The following FBN2 variants were observed in gnomAD, a reference collection of about 807,000 sequenced individuals.
The protein encoded by FBN2 is fibrillin 2, also known as fibrillin-2.
A neutral mutation model predicts 355.6 loss-of-function variants in FBN2; 105 were observed. The observed-to-expected ratio is 0.30, with a 90% CI of 0.25 to 0.35. The LOEUF (loss-of-function observed/expected upper bound fraction) is 0.35. Among genes scored for constraint, FBN2 ranks in the 10% least tolerant of loss-of-function variants. The probability of loss-of-function intolerance (pLI) is 1.00; values close to 1 mark genes in which losing one functional copy is unlikely to be tolerated. For synonymous variants in FBN2, 1,350 were observed against 1,301.2 expected (o/e 1.04, Z -0.81); for missense variants, 3,280 against 3,758.7 (o/e 0.87, Z 3.33).
At chr5:128,335,338 T>C (rs552553509) in intron 29 of FBN2, 43 bp from the exon 30 acceptor site, 1 of 1,613,704 alleles carries the variant, frequency 6.2e-7, no homozygotes, top group South Asian at 1.1e-5. Flanking sequence ...AAAAATGTCG[T>C]TCATCAATCT....
At chr5:128,397,339 T>G (rs1232388616) in intron 8 of FBN2, among the ~76,000 whole-genome samples, 1 of 152,166 alleles carries the variant, frequency 6.6e-6, no homozygotes, top group African/African-American at 2.4e-5. Context: ...TTAACAATAA[T>G]CACTAACGTT....
intron 5 of FBN2, among the ~76,000 whole-genome samples, chr5:128,467,289 A>G (rs1754738995): frequency 6.6e-6 from 1 of 152,168 alleles, no homozygotes; most frequent in Non-Finnish European, 1.5e-5. Context: ...GCAGGAATAG[A>G]GTTGACCATT....
chr5:128,286,774 A>G lies in FBN2; in HGVS notation c.6956T>C (p.Phe2319Ser). ...CATTCCAGGAGGGCAGATGCACATG[A>G]AGGTGCCGATTAGATTCTTACACAT... Reference protein sequence around the residue: ...GMMCKNLIGTFMCICPPGMAR... With the variant: ...GMMCKNLIGTSMCICPPGMAR... Residue 2319 changes from phenylalanine to serine, a missense_variant, in exon 55 of 65, where the codon TTC (phenylalanine) becomes TCC (serine). This residue lies in a region of FBN2 where 2,284 missense variants were observed against 2,749.5 expected (regional missense o/e 0.83). Coordinates refer to ENST00000262464, the MANE Select transcript of FBN2 (RefSeq NM_001999.4). 1 of 1,614,048 alleles carries G rather than the reference A, an allele frequency of 6.2e-7. No homozygotes were observed.
intron 15 of FBN2, 46 bp from the exon 16 acceptor site, chr5:128,369,380 A>G: frequency 6.2e-7 from 1 of 1,606,006 alleles, no homozygotes; most frequent in Non-Finnish European, 8.5e-7. Context: ...GATAGAGACA[A>G]AGAGATTTCG....
intron 4 of FBN2, among the ~76,000 whole-genome samples, chr5:128,521,490 T>G (rs1218326820): frequency 6.6e-6 from 1 of 152,116 alleles, no homozygotes; most frequent in Non-Finnish European, 1.5e-5. Context: ...GTAACAAACC[T>G]GCATGTCCTG....
intron 37 of FBN2, among the ~76,000 whole-genome samples, chr5:128,312,370 A>T (rs930978970): frequency 2.0e-5 from 3 of 152,252 alleles, no homozygotes; most frequent in African/African-American, 4.8e-5. Context: ...CTGTGACATC[A>T]TGAAGAACTG....
intron 28 of FBN2, 43 bp from the exon 29 acceptor site, chr5:128,335,620 T>C (rs777367574): frequency 6.2e-7 from 1 of 1,612,684 alleles, no homozygotes; most frequent in East Asian, 2.2e-5. Flanking sequence ...GTCTGCTTCC[T>C]TAAAAGGAGT....
intron 20 of FBN2, among the ~76,000 whole-genome samples, chr5:128,352,175 C>T (rs1751385755): frequency 6.6e-6 from 1 of 152,042 alleles, no homozygotes; most frequent in Non-Finnish European, 1.5e-5. Context: ...ATTCCCAGGG[C>T]TAATATCTGA....
chr5:128,340,017 C>T (rs1196967965), intron 25 of FBN2, among the ~76,000 whole-genome samples: 1 of 152,158 alleles, frequency 6.6e-6, no homozygotes, highest in East Asian at 1.9e-4. Flanking sequence ...TTATATATTA[C>T]AGTAAATAAT....
At chr5:128,325,437 T>C (rs2126882523) in intron 34 of FBN2, among the ~76,000 whole-genome samples, 1 of 152,376 alleles carries the variant, frequency 6.6e-6, no homozygotes, top group East Asian at 1.9e-4. Flanking sequence ...ATCTCTGCTT[T>C]TTATTTTGCT....
chr5:128,398,692 C>A (rs1581263916), intron 8 of FBN2, among the ~76,000 whole-genome samples: 1 of 152,072 alleles, frequency 6.6e-6, no homozygotes, highest in South Asian at 2.1e-4. Flanking sequence ...TAGATGTACA[C>A]CTGTGTACAT....
intron 3 of FBN2, among the ~76,000 whole-genome samples, chr5:128,529,663 C>G (rs1756654037): frequency 6.6e-6 from 1 of 152,150 alleles, no homozygotes; most frequent in South Asian, 2.1e-4. Flanking sequence ...TATGAGAAAA[C>G]TAGGAACAGG....
chr5:128,341,210 T>C (rs1751011607), intron 25 of FBN2, among the ~76,000 whole-genome samples: 1 of 152,192 alleles, frequency 6.6e-6, no homozygotes, highest in African/African-American at 2.4e-5. Context: ...CTTTGGCTAA[T>C]TTCACAACAA....
In FBN2 at chr5:128,319,556, T is replaced by C. The variant is rs191765827; in HGVS notation, c.4472-555A>G. On this transcript the variant is annotated intron_variant, in intron 34 of 64. Transcript: ENST00000262464. ...AATTAAATAAATATTAACTTTTTAG[T>C]TTTTACTTCCTTTTTATTTTGTAAT... Among the ~76,000 whole-genome samples, 207 of 152,036 alleles carry C rather than the reference T, an allele frequency of 1.4e-3. 1 individual carries two copies. Among genetic ancestry groups the C allele is most frequent in the African/African-American group, 4.5e-3 (188 of 41,552 alleles).
At chr5:128,374,478 C>T (rs1752029788) in intron 15 of FBN2, 150 bp downstream of exon 15, 52 of 1,099,392 alleles carry the variant, frequency 4.7e-5, no homozygotes, top group South Asian at 3.7e-4. Context: ...TGACTGGCTT[C>T]TTTCACTTAG....
intron 58 of FBN2, among the ~76,000 whole-genome samples, chr5:128,276,833 CA>C (rs935034198): frequency 2.0e-4 from 31 of 152,132 alleles, no homozygotes; most frequent in African/African-American, 7.5e-4. Context: ...TCTTTTGGCC[CA>C]GGGGTAGTAC....
chr5:128,274,321 T>G (rs1765333929), intron 60 of FBN2, among the ~76,000 whole-genome samples: 1 of 152,176 alleles, frequency 6.6e-6, no homozygotes, highest in Non-Finnish European at 1.5e-5. Flanking sequence ...ATTAAGAATG[T>G]GATATAAAGG....
At chr5:128,533,747 T>C (rs1481002011) in intron 2 of FBN2, among the ~76,000 whole-genome samples, 1 of 152,112 alleles carries the variant, frequency 6.6e-6, no homozygotes, top group Non-Finnish European at 1.5e-5. Context: ...TGTTATTTAG[T>C]CCAGCCAACC....
Position 128,537,922 on chromosome 5 carries a change from G to A in FBN2, c.-319C>T, listed in dbSNP as rs1756904981. On this transcript the variant is annotated 5_prime_UTR_variant, in exon 1 of 65. Coordinates refer to ENST00000262464, the MANE Select transcript of FBN2 (RefSeq NM_001999.4). ...GCGACTCCAGGACCGTCAGCGGGCG[G>A]GGGAGGAAATTACAAAAGCCCTGGC... 1 of 422,824 alleles carries A rather than the reference G, an allele frequency of 2.4e-6. No individual in the cohort carries two copies. The highest frequency in any genetic ancestry group is 4.2e-5 in the Admixed American group (1 of 23,854). 26.2% of individuals were successfully genotyped at this position (422,824 alleles called of 1,614,324 possible).
Sources: allele counts gnomAD v4.1 joint callset (sites outside exome capture counted in the v4.1 genomes callset), GRCh38; gene constraint gnomAD v4.1.1; regional missense constraint gnomAD v4.1.1; transcripts MANE v1.5; gene names NCBI Gene and HGNC (gene_info 2026-07-23, HGNC 2026-07-21).